The following CNTN3 variants were observed in gnomAD, a reference collection of about 807,000 sequenced individuals.
CNTN3 encodes contactin-3.
Under a neutral mutation model 119.1 loss-of-function variants are expected in CNTN3, and 60 were observed. That is an observed-to-expected ratio of 0.50 (90% CI 0.41 to 0.62). The LOEUF (loss-of-function observed/expected upper bound fraction) is 0.62, where lower values mean the gene tolerates loss of function less well. CNTN3 is among the 20% of genes least tolerant of loss of function. The probability of loss-of-function intolerance (pLI) is 0.00; values close to 1 mark genes in which losing one functional copy is unlikely to be tolerated. For synonymous variants in CNTN3, 450 were observed against 438.7 expected, an observed-to-expected ratio of 1.03 and a Z score of -0.32; for missense variants, 1,101 against 1,242.4, an observed-to-expected ratio of 0.89 and a Z score of 1.71.
At chr3:74,428,648 T>C (rs528264857) in intron 4 of CNTN3, among the ~76,000 whole-genome samples, 2 of 152,316 alleles carry the variant, frequency 1.3e-5, no homozygotes, top group Non-Finnish European at 2.9e-5. Flanking sequence ...TAAGCCAAGA[T>C]TAATTTATCA....
chr3:74,344,396 G>GATTTTTTTTTTTTTTTT (rs1274539668), intron 11 of CNTN3, among the ~76,000 whole-genome samples: 1 of 87,812 alleles, frequency 1.1e-5, no homozygotes, highest in Non-Finnish European at 2.3e-5. Flanking sequence ...CTTACACAGT[G>GATTTTTTTTTTTTTTTT]GTTTTTTTTT....
At chr3:74,438,921 C>T (rs769792066) in intron 4 of CNTN3, among the ~76,000 whole-genome samples, 6 of 152,134 alleles carry the variant, frequency 3.9e-5, no homozygotes, top group East Asian at 1.9e-4. Flanking sequence ...ATATTGAACA[C>T]AGAATCCTTA....
intron 5 of CNTN3, among the ~76,000 whole-genome samples, chr3:74,381,215 A>C (rs1350473213): frequency 6.6e-6 from 1 of 152,016 alleles, no homozygotes; most frequent in Non-Finnish European, 1.5e-5. Context: ...GGAATCTTTT[A>C]TTTTTTCTGA....
At chr3:74,413,410 T>C (rs755080348) in intron 5 of CNTN3, among the ~76,000 whole-genome samples, 25 of 152,158 alleles carry the variant, frequency 1.6e-4, no homozygotes, top group Non-Finnish European at 2.9e-4. Flanking sequence ...CATATACATA[T>C]ACAAAATGTG....
At chr3:74,393,639 G>A (rs1297177536) in intron 5 of CNTN3, among the ~76,000 whole-genome samples, 4 of 152,172 alleles carry the variant, frequency 2.6e-5, no homozygotes, top group Non-Finnish European at 5.9e-5. Flanking sequence ...GACTGAGGCT[G>A]CCAGGTAGAA....
intron 2 of CNTN3, among the ~76,000 whole-genome samples, chr3:74,513,331 A>C (rs1454967122): frequency 6.6e-6 from 1 of 152,172 alleles, no homozygotes; most frequent in Non-Finnish European, 1.5e-5. Context: ...GAGTTGCCTG[A>C]TGCCTTAAGT....
At chr3:74,360,602 G>T (rs1397009264) in intron 11 of CNTN3, among the ~76,000 whole-genome samples, 4 of 152,140 alleles carry the variant, frequency 2.6e-5, no homozygotes, top group African/African-American at 9.7e-5. Context: ...GAGGTCAGAA[G>T]TTCAGTATAG....
chr3:74,378,761 G>C (rs1704541428), intron 5 of CNTN3, among the ~76,000 whole-genome samples: 1 of 152,148 alleles, frequency 6.6e-6, no homozygotes, highest in South Asian at 2.1e-4. Flanking sequence ...AAGGTTTGTT[G>C]AACCTTGTCC....
intron 1 of CNTN3, among the ~76,000 whole-genome samples, chr3:74,562,031 C>T (rs1486350445): frequency 6.6e-6 from 1 of 152,140 alleles, no homozygotes; most frequent in Admixed American, 6.6e-5. Flanking sequence ...ACGAAGTATG[C>T]TGTTCTCCCA....
chr3:74,273,524 C>A (rs952032336), intron 20 of CNTN3, among the ~76,000 whole-genome samples: 3 of 152,190 alleles, frequency 2.0e-5, no homozygotes, highest in African/African-American at 4.8e-5. Context: ...TCCTCCACCC[C>A]CAAACACATA....
intron 13 of CNTN3, among the ~76,000 whole-genome samples, chr3:74,327,857 A>T (rs1292445941): frequency 6.6e-6 from 1 of 151,766 alleles, no homozygotes; most frequent in African/African-American, 2.4e-5. Flanking sequence ...AATTTCATAC[A>T]TATGACCTGA....
At chr3:74,605,823 T>C (rs188590249) in intron 1 of CNTN3, among the ~76,000 whole-genome samples, 142 of 152,242 alleles carry the variant, frequency 9.3e-4, no homozygotes, top group Admixed American at 1.4e-3. Flanking sequence ...TCAAATTCAA[T>C]AGGCTAACTC....
intron 20 of CNTN3, among the ~76,000 whole-genome samples, chr3:74,283,617 A>C (rs1022028513): frequency 6.6e-6 from 1 of 152,136 alleles, no homozygotes; most frequent in Non-Finnish European, 1.5e-5. Flanking sequence ...ATAATTTCCT[A>C]GCAAGTAATC....
At chr3:74,324,844 A>G (rs1703089853) in intron 13 of CNTN3, among the ~76,000 whole-genome samples, 1 of 152,228 alleles carries the variant, frequency 6.6e-6, no homozygotes, top group Non-Finnish European at 1.5e-5. Context: ...GAAAAGTGAC[A>G]TAAAATTTGT....
intron 4 of CNTN3, among the ~76,000 whole-genome samples, chr3:74,453,365 C>T (rs1178674803): frequency 1.3e-5 from 2 of 151,696 alleles, no homozygotes; most frequent in African/African-American, 4.9e-5. Flanking sequence ...TGGTGATATC[C>T]CCTTTATCAT....
chr3:74,460,940 T>C (rs1385971604), intron 4 of CNTN3, among the ~76,000 whole-genome samples: 1 of 151,152 alleles, frequency 6.6e-6, no homozygotes, highest in East Asian at 1.9e-4. Context: ...TAGGAAACCA[T>C]TCAGTTTCCT....
intron 5 of CNTN3, among the ~76,000 whole-genome samples, chr3:74,375,586 G>A (rs1420221760): frequency 1.3e-5 from 2 of 152,128 alleles, no homozygotes; most frequent in East Asian, 3.9e-4. Flanking sequence ...AGAGAGGCAG[G>A]AGGGTCACAG....
intron 1 of CNTN3, among the ~76,000 whole-genome samples, chr3:74,583,163 G>A (rs541170721): frequency 7.2e-5 from 11 of 152,248 alleles, no homozygotes; most frequent in Admixed American, 2.6e-4. Context: ...TTCAGGGCAG[G>A]GGAAATCCTG....
chr3:74,456,670 T>C (rs1702276158), intron 4 of CNTN3, among the ~76,000 whole-genome samples: 1 of 152,052 alleles, frequency 6.6e-6, no homozygotes, highest in African/African-American at 2.4e-5. Context: ...AACATTTGGA[T>C]TGTTGAACAT....
Sources: allele counts gnomAD v4.1 joint callset (sites outside exome capture counted in the v4.1 genomes callset), GRCh38; gene constraint gnomAD v4.1.1; transcripts MANE v1.5; gene names NCBI Gene and HGNC (gene_info 2026-07-23, HGNC 2026-07-21).